The following FOXP2 variants were observed in gnomAD, a reference collection of about 807,000 sequenced individuals.
The protein encoded by FOXP2 is forkhead box P2.
In FOXP2, 12 loss-of-function variants were observed where a neutral mutation model predicts 115.8. The observed-to-expected ratio is 0.10, with a 90% CI of 0.07 to 0.17. FOXP2 has a LOEUF of 0.17. Among genes scored for constraint, FOXP2 ranks in the 10% least tolerant of loss-of-function variants. The pLI is 1.00. For missense variants in FOXP2, 629 were observed against 843.5 expected (o/e 0.75, Z 3.15); for synonymous variants, 328 against 297.7 (o/e 1.10, Z -1.05).
At chr7:114,239,237 C>T (rs1271454172) in intron 1 of FOXP2, among the ~76,000 whole-genome samples, 2 of 151,784 alleles carry the variant, frequency 1.3e-5, no homozygotes, top group Admixed American at 1.3e-4. Context: ...TTCCTTCTCT[C>T]TTTTTTTGTC....
chr7:114,634,496 AT>A (rs1805105966), intron 6 of FOXP2, among the ~76,000 whole-genome samples: 1 of 152,004 alleles, frequency 6.6e-6, no homozygotes, highest in African/African-American at 2.4e-5. Context: ...AGTGTAAATT[AT>A]TTTAAATATT....
intron 2 of FOXP2, among the ~76,000 whole-genome samples, chr7:114,306,590 T>G (rs1479083876): frequency 6.6e-6 from 1 of 152,196 alleles, no homozygotes; most frequent in Non-Finnish European, 1.5e-5. Context: ...TTTTCAAGTC[T>G]GAACCCTGCA....
intron 2 of FOXP2, among the ~76,000 whole-genome samples, chr7:114,291,668 G>C (rs953555161): frequency 6.6e-6 from 1 of 151,160 alleles, no homozygotes; most frequent in Non-Finnish European, 1.5e-5. Flanking sequence ...GTTTTTGGCT[G>C]AATTCAGTCC....
intron 3 of FOXP2, among the ~76,000 whole-genome samples, chr7:114,589,166 T>C (rs1802313113): frequency 6.6e-6 from 1 of 152,216 alleles, no homozygotes; most frequent in Admixed American, 6.5e-5. Flanking sequence ...CTTTCTTCTG[T>C]TCCCCGGATT....
chr7:114,416,438 C>G (rs976332293), intron 1 of FOXP2: 1 of 127,486 alleles, frequency 7.8e-6, no homozygotes, highest in Non-Finnish European at 1.8e-5. Context: ...GTAATAACGC[C>G]TAAATTTCAT....
intron 11 of FOXP2, 66 bp from the exon 12 acceptor site, chr7:114,659,290 A>G: frequency 2.6e-6 from 3 of 1,164,722 alleles, no homozygotes; most frequent in African/African-American, 1.5e-5. Context: ...TAGAGGAAAT[A>G]TGAAAATTCA....
intron 1 of FOXP2, among the ~76,000 whole-genome samples, chr7:114,102,163 A>T (rs1476840215): frequency 6.6e-6 from 1 of 151,956 alleles, no homozygotes; most frequent in Non-Finnish European, 1.5e-5. Flanking sequence ...CATGTATGTC[A>T]CTTCTAAGGT....
At chr7:114,378,459 G>A (rs1367733652) in intron 2 of FOXP2, among the ~76,000 whole-genome samples, 1 of 151,864 alleles carries the variant, frequency 6.6e-6, no homozygotes, top group Non-Finnish European at 1.5e-5. Context: ...TGAGAAAGAA[G>A]GATTTCTTGA....
At chr7:114,614,588 T>C (rs904057173) in intron 3 of FOXP2, among the ~76,000 whole-genome samples, 2 of 152,194 alleles carry the variant, frequency 1.3e-5, no homozygotes, top group Admixed American at 6.5e-5. Context: ...TTCACAATTA[T>C]TCCACGTGTG....
At chr7:114,289,183 T>C (rs115818806) in intron 2 of FOXP2, among the ~76,000 whole-genome samples, 2,051 of 151,986 alleles carry the variant, frequency 0.013, 39 homozygotes, top group African/African-American at 0.038. Context: ...TTTTACCAGA[T>C]AGACATTAAA....
chr7:114,185,080 T>C (rs957583478), intron 1 of FOXP2, among the ~76,000 whole-genome samples: 1 of 152,190 alleles, frequency 6.6e-6, no homozygotes, highest in Admixed American at 6.5e-5. Flanking sequence ...TCAAGTCCTA[T>C]AATTTCCCCT....
At chr7:114,631,407 G>C in intron 5 of FOXP2, 121 bp from the exon 6 acceptor site, 1 of 1,510,174 alleles carries the variant, frequency 6.6e-7, no homozygotes, top group Non-Finnish European at 8.9e-7. Context: ...CCTGAACTTT[G>C]ACTATGGGAT....
chr7:114,606,999 C>A (rs915412287), intron 3 of FOXP2, among the ~76,000 whole-genome samples: 3 of 152,156 alleles, frequency 2.0e-5, no homozygotes, highest in African/African-American at 7.2e-5. Context: ...TATATTCATA[C>A]AGCTCCACTG....
At chr7:114,606,177 G>A (rs1402260386) in intron 3 of FOXP2, among the ~76,000 whole-genome samples, 1 of 152,184 alleles carries the variant, frequency 6.6e-6, no homozygotes, top group Non-Finnish European at 1.5e-5. Flanking sequence ...TGACTGGTAG[G>A]ATAATGGTGC....
intron 1 of FOXP2, chr7:114,088,129 CT>C (rs1799462688): frequency 6.7e-6 from 1 of 149,528 alleles, no homozygotes; most frequent in Non-Finnish European, 1.5e-5. Flanking sequence ...CTAACCCCCC[CT>C]CCACACACAT....
intron 1 of FOXP2, among the ~76,000 whole-genome samples, chr7:114,123,838 C>T (rs998852408): frequency 6.6e-6 from 1 of 151,908 alleles, no homozygotes; most frequent in Admixed American, 6.6e-5. Context: ...GGGTTTTCTA[C>T]CATACACAGC....
At chr7:114,544,537 A>G (rs1799826163) in intron 3 of FOXP2, among the ~76,000 whole-genome samples, 1 of 152,234 alleles carries the variant, frequency 6.6e-6, no homozygotes, top group African/African-American at 2.4e-5. Context: ...TTTTAATGCT[A>G]ACACTTGCAT....
intron 1 of FOXP2, among the ~76,000 whole-genome samples, chr7:114,110,017 T>G (rs1791222643): frequency 6.6e-6 from 1 of 152,176 alleles, no homozygotes; most frequent in African/African-American, 2.4e-5. Flanking sequence ...AAAAAAAGTC[T>G]TCTGTGCATA....
intron 1 of FOXP2, among the ~76,000 whole-genome samples, chr7:114,156,546 G>A (rs1777310730): frequency 6.6e-6 from 1 of 152,088 alleles, no homozygotes; most frequent in Admixed American, 6.6e-5. Context: ...CCCACTTTGT[G>A]TTGTTCCACC....
Sources: allele counts gnomAD v4.1 joint callset (sites outside exome capture counted in the v4.1 genomes callset), GRCh38; gene constraint gnomAD v4.1.1; transcripts MANE v1.5; gene names NCBI Gene and HGNC (gene_info 2026-07-23, HGNC 2026-07-21).